Variants in UBR7 observed in about 807,000 individuals in gnomAD.
UBR7 encodes the protein ubiquitin protein ligase E3 component n-recognin 7.
A neutral mutation model predicts 57.0 loss-of-function variants in UBR7; 22 were observed. The ratio of observed to expected loss-of-function variants is 0.39; its 90% CI spans 0.28 to 0.55. UBR7 has a LOEUF of 0.55. Ranked by LOEUF, UBR7 falls within the 20% of genes least tolerant of loss-of-function variation. UBR7 has a pLI of 0.69. For synonymous variants in UBR7, 167 were observed against 179.8 expected, an observed-to-expected ratio of 0.93 and a Z score of 0.57; for missense variants, 395 against 513.2, an observed-to-expected ratio of 0.77 and a Z score of 2.23.
intron 10 of UBR7, among the ~76,000 whole-genome samples, chr14:93,226,573 G>C (rs1158231086): frequency 6.6e-6 from 1 of 152,156 alleles, no homozygotes; most frequent in Non-Finnish European, 1.5e-5. Flanking sequence ...GGCGGATCAT[G>C]AGGTCAGGAG....
At chr14:93,225,619 C>T (rs559215379) in intron 10 of UBR7, among the ~76,000 whole-genome samples, 25 of 152,120 alleles carry the variant, frequency 1.6e-4, no homozygotes, top group Non-Finnish European at 3.4e-4. Flanking sequence ...GGTGACAGAG[C>T]GAGACCCTGT....
chr14:93,216,336 A>G (rs1894592021), intron 6 of UBR7, among the ~76,000 whole-genome samples: 1 of 152,238 alleles, frequency 6.6e-6, no homozygotes, highest in Non-Finnish European at 1.5e-5. Context: ...ATGAGCCACC[A>G]TGCCCAGTCT....
At chr14:93,226,846 C>A in intron 10 of UBR7, 97 bp from the exon 11 acceptor site, 22 of 693,100 alleles carry the variant, frequency 3.2e-5, no homozygotes, top group East Asian at 3.4e-5. Flanking sequence ...TAACATAATT[C>A]TTAACAGTAT....
At chr14:93,221,797 C>T (rs1432504515) in intron 9 of UBR7, among the ~76,000 whole-genome samples, 2 of 151,542 alleles carry the variant, frequency 1.3e-5, no homozygotes, top group African/African-American at 4.8e-5. Flanking sequence ...GCCTGGCTGA[C>T]GTGGTGAAAC....
At chr14:93,222,447 A>C in intron 10 of UBR7, 73 bp downstream of exon 10, 1 of 1,183,250 alleles carries the variant, frequency 8.5e-7, no homozygotes, top group Non-Finnish European at 1.3e-6. Context: ...TTTGACGATT[A>C]AAAATGACTG....
chr14:93,227,982 C>T lies in UBR7; in HGVS notation c.*947C>T, dbSNP rs1028817004. 1.4e-6 allele frequency: 1 copy of T among 699,516 alleles called. No homozygotes were observed. Among genetic ancestry groups the T allele is most frequent in the Non-Finnish European group, 2.6e-6 (1 of 384,606 alleles). The allele number at this position is 699,516 out of a possible 1,614,324, so 43.3% of individuals were successfully genotyped here. Reference sequence around the variant, plus strand: ...TCTGTTATGAAAATGTTATTAGAACCCCAATAAATTATTATTTTTCCCCCT... The same window carrying T: ...TCTGTTATGAAAATGTTATTAGAACTCCAATAAATTATTATTTTTCCCCCT... On this transcript the variant is annotated 3_prime_UTR_variant, in exon 11 of 11. Coordinates refer to ENST00000013070, the MANE Select transcript of UBR7 (RefSeq NM_175748.4).
chr14:93,214,321 G>A (rs1894549185), intron 4 of UBR7, among the ~76,000 whole-genome samples: 1 of 152,152 alleles, frequency 6.6e-6, no homozygotes, highest in African/African-American at 2.4e-5. Flanking sequence ...CCTACGATAG[G>A]AAAAGGACAG....
In UBR7 at chr14:93,227,199, C is replaced by T. The variant is rs919026359; in HGVS notation, c.*164C>T. The T allele has an allele frequency of 1.1e-5, 7 of 646,112 alleles. No individual in the cohort carries two copies. The highest frequency in any genetic ancestry group is 2.0e-5 in the Non-Finnish European group (7 of 351,602). 40.0% of individuals were successfully genotyped at this position (646,112 alleles called of 1,614,324 possible). ...AGCTGCAGTAGCCACCGTGTGGATG[C>T]TGACTTCACAGCCAGCGTCCTCTGT... On this transcript the variant is annotated 3_prime_UTR_variant, in exon 11 of 11. Coordinates refer to ENST00000013070, the MANE Select transcript of UBR7 (RefSeq NM_175748.4).
chr14:93,215,222 T>C lies in UBR7; in HGVS notation c.542T>C (p.Val181Ala), dbSNP rs1483488539. Residue 181 changes from valine to alanine, a missense_variant, in exon 6 of 11, where the codon GTA becomes GCA. Transcript: ENST00000013070. ...GAGAGTGGGGATTTTCAGGAGATGG[T>C]ATGCCAGGCCTGCATGAAACGTTGT... ...PPESGDFQEM[V>A]CQACMKRCSF... 6.3e-7 allele frequency: 1 copy of C among 1,591,136 alleles called. No individual in the cohort carries two copies. Among genetic ancestry groups the C allele is most frequent in the Non-Finnish European group, 8.6e-7 (1 of 1,168,092 alleles).
intron 6 of UBR7, among the ~76,000 whole-genome samples, chr14:93,216,261 G>A (rs1415916928): frequency 1.3e-5 from 2 of 152,150 alleles, no homozygotes; most frequent in Non-Finnish European, 2.9e-5. Flanking sequence ...GCCCAGGCTG[G>A]TCTTGAACTC....
At position 93,227,819 on chromosome 14, in the gene UBR7, T is replaced by C. The variant is rs966972714; in HGVS notation, c.*784T>C. The C allele has an allele frequency of 4.3e-6, 3 of 700,870 alleles. No homozygotes were observed. The highest frequency in any genetic ancestry group is 7.8e-6 in the Non-Finnish European group (3 of 384,826). 43.4% of individuals were successfully genotyped at this position (700,870 alleles called of 1,614,324 possible). A position where few individuals can be genotyped will look rare whatever the true frequency, so the allele number is the denominator to read the frequency against. ...TCCTGGAGAACATTTGCCCGTATAC[T>C]AGTCCCTTCTCTGCTGCCTAGAAAA... On this transcript the variant is annotated 3_prime_UTR_variant, in exon 11 of 11. Coordinates refer to ENST00000013070, the MANE Select transcript of UBR7 (RefSeq NM_175748.4).
chr14:93,215,175 G>A lies in UBR7; in HGVS notation c.496-1G>A, dbSNP rs867634676. 1 of 1,570,604 alleles carries A rather than the reference G, an allele frequency of 6.4e-7. No homozygotes were observed. Among genetic ancestry groups the A allele is most frequent in the Non-Finnish European group, 8.6e-7 (1 of 1,156,282 alleles). ...AAATTTTTGGTGTTCTATATTCACA[G>A]CATCTTGGTGCCATTCCCCCTGAGA... On this transcript the variant is annotated splice_acceptor_variant, in intron 5 of 10. Coordinates refer to ENST00000013070, the MANE Select transcript of UBR7 (RefSeq NM_175748.4). LOFTEE classifies it high-confidence loss of function.
rs1313953746 is a variant in UBR7, at chr14:93,228,205, C to T, written c.*1170C>T. On this transcript the variant is annotated 3_prime_UTR_variant, in exon 11 of 11. Transcript: ENST00000013070. ...CTATGAGATCTTTTTTTTGAAGATCCTCATGGAAGGTTGTACAGAGCCCCA... is the reference window on the plus strand; with the variant it reads ...CTATGAGATCTTTTTTTTGAAGATCTTCATGGAAGGTTGTACAGAGCCCCA... The T allele has an allele frequency of 5.9e-6, 3 of 506,820 alleles. No individual in the cohort carries two copies. Among genetic ancestry groups the T allele is most frequent in the African/African-American group, 3.8e-5 (2 of 52,390 alleles). The allele number at this position is 506,820 out of a possible 1,614,324, so 31.4% of individuals were successfully genotyped here.
At position 93,219,262 on chromosome 14, in the gene UBR7, A is replaced by G; in HGVS notation, c.861A>G (p.Lys287=). 5 of 1,614,180 alleles carry G rather than the reference A, an allele frequency of 3.1e-6. No homozygotes were observed. Among genetic ancestry groups the G allele is most frequent in the Non-Finnish European group, 4.2e-6 (5 of 1,180,034 alleles). ...ACGCAGAATCAAAATCTGGCTGCAA[A>G]CTTCAGGAGCTTAAAGCTAAGCAGC... is the stretch of plus-strand genomic sequence containing the variant. The part of the protein sequence containing the change: ...SLNAESKSGC[K]LQELKAKQLI... The change falls in exon 8 of 11, where the codon AAA becomes AAG. Residue 287 remains lysine, a synonymous_variant. Coordinates refer to ENST00000013070, the MANE Select transcript of UBR7 (RefSeq NM_175748.4).
chr14:93,223,843 C>T, intron 10 of UBR7: 1 of 749,098 alleles, frequency 1.3e-6, no homozygotes, highest in Admixed American at 1.8e-5. Context: ...TGGTCAGGTC[C>T]CGGTATTCCC....
intron 4 of UBR7, among the ~76,000 whole-genome samples, chr14:93,213,347 A>G (rs1029354591): frequency 6.7e-6 from 1 of 150,068 alleles, no homozygotes; most frequent in Non-Finnish European, 1.5e-5. Flanking sequence ...TCGCTCTGTC[A>G]CCCAGGCTGG....
rs764896805 is a variant in UBR7 at position 93,218,562 on chromosome 14, C to T, written c.637C>T (p.Arg213Trp). The T allele has an allele frequency of 6.4e-5, 104 of 1,613,884 alleles. No homozygotes were observed. Among genetic ancestry groups the T allele is most frequent in the Admixed American group, 1.7e-4 (10 of 59,964 alleles). ...ATCCACTGAGGATGATGGATTGGTG[C>T]GGAACATTGATGGAATAGGTGATCA... ...KISTEDDGLV[R>W]NIDGIGDQEV... Residue 213 changes from arginine (R) to tryptophan (W), a missense_variant, in exon 7 of 11, where the codon CGG (arginine) becomes TGG (tryptophan). By Grantham distance (101) the Arg-to-Trp change is moderately radical. Transcript: ENST00000013070.
At chr14:93,214,424 T>C (rs1894551258) in intron 4 of UBR7, among the ~76,000 whole-genome samples, 1 of 152,234 alleles carries the variant, frequency 6.6e-6, no homozygotes, top group Admixed American at 6.5e-5. Context: ...TATATTATTT[T>C]CCTAGGGCCA....
At chr14:93,217,965 A>G (rs1457898279) in intron 6 of UBR7, among the ~76,000 whole-genome samples, 1 of 151,754 alleles carries the variant, frequency 6.6e-6, no homozygotes, top group Non-Finnish European at 1.5e-5. Context: ...ATGCTGGTGC[A>G]TGCCTGTAAT....
Sources: gnomAD v4.1 joint callset for allele counts (sites outside exome capture counted in the v4.1 genomes callset) on GRCh38, gnomAD v4.1.1 for gene constraint, MANE v1.5 for transcripts, NCBI Gene and HGNC (gene_info 2026-07-23, HGNC 2026-07-21) for gene names.